Variants in VPS26B observed in about 807,000 individuals in gnomAD.
The protein encoded by VPS26B is vacuolar protein sorting-associated protein 26B.
In VPS26B, 10 loss-of-function variants were observed where a neutral mutation model predicts 33.3. The observed-to-expected ratio is 0.30, with a 90% CI of 0.19 to 0.51. The LOEUF (loss-of-function observed/expected upper bound fraction) is 0.51, where lower values mean the gene tolerates loss of function less well. Ranked by LOEUF, VPS26B falls within the 20% of genes least tolerant of loss-of-function variation. VPS26B has a pLI of 0.98. For missense variants in VPS26B, 317 were observed against 452.7 expected, an observed-to-expected ratio of 0.70 and a Z score of 2.72; for synonymous variants, 190 against 176.9, an observed-to-expected ratio of 1.07 and a Z score of -0.59.
chr11:134,242,350 A>G (rs1938740345), intron 3 of VPS26B, among the ~76,000 whole-genome samples: 1 of 152,212 alleles, frequency 6.6e-6, no homozygotes, highest in Admixed American at 6.5e-5. Flanking sequence ...ATCCAAGAGA[A>G]CATTATCTCT....
chr11:134,245,661 G>A lies in VPS26B; in HGVS notation c.*71G>A, dbSNP rs1474263955. 6 of 1,507,164 alleles carry A rather than the reference G, an allele frequency of 4.0e-6. No homozygotes were observed. Among genetic ancestry groups the A allele is most frequent in the East Asian group, 2.5e-5 (1 of 40,752 alleles). The allele number at this position is 1,507,164 out of a possible 1,614,324, so 93.4% of individuals were successfully genotyped here. A position where few individuals can be genotyped will look rare whatever the true frequency, so the allele number is the denominator to read the frequency against. On this transcript the variant is annotated 3_prime_UTR_variant, in exon 6 of 6. Transcript: ENST00000281187. The surrounding 1 kb of genome is among the most constrained non-coding windows in gnomAD (Gnocchi z 4.7). Reference sequence around the variant, plus strand: ...TCTACCAACACCAGCGGCTGGGGGCGGGGGCGGACCTTGTGAGGCTCAGTT... The same window carrying A: ...TCTACCAACACCAGCGGCTGGGGGCAGGGGCGGACCTTGTGAGGCTCAGTT...
chr11:134,245,355 A>G lies in VPS26B; in HGVS notation c.865-89A>G. On this transcript the variant is annotated intron_variant, in intron 5 of 5. Coordinates refer to ENST00000281187, the MANE Select transcript of VPS26B (RefSeq NM_052875.5). This position sits in a 1 kb window ranked among gnomAD's most constrained non-coding sequence, Gnocchi z 4.7. ...GAAGCAGAGGAGGTCCTTGCCCGAGATTCCCCACGTCAAAGTTGGGAGCCT... is the reference window on the plus strand; with the variant it reads ...GAAGCAGAGGAGGTCCTTGCCCGAGGTTCCCCACGTCAAAGTTGGGAGCCT... The G allele has an allele frequency of 6.4e-7, 1 of 1,568,662 alleles. No individual in the cohort carries two copies. Among genetic ancestry groups the G allele is most frequent in the South Asian group, 1.2e-5 (1 of 86,750 alleles).
chr11:134,235,444 T>C (rs571660133), intron 2 of VPS26B: 1 of 156,262 alleles, frequency 6.4e-6, no homozygotes, highest in Admixed American at 6.5e-5. Flanking sequence ...CATGATTCAT[T>C]TAATTGTGAG....
At chr11:134,232,483 T>C (rs952322622) in intron 1 of VPS26B, among the ~76,000 whole-genome samples, 4 of 152,224 alleles carry the variant, frequency 2.6e-5, no homozygotes, top group Non-Finnish European at 5.9e-5. Context: ...ATGTCAGAGC[T>C]GATATTAACA....
At chr11:134,241,081 CAG>C (rs1305065903) in intron 3 of VPS26B, among the ~76,000 whole-genome samples, 3 of 152,270 alleles carry the variant, frequency 2.0e-5, no homozygotes, top group East Asian at 3.9e-4. Context: ...AACTTTCTGA[CAG>C]GGTATTTCAA....
intron 2 of VPS26B, among the ~76,000 whole-genome samples, chr11:134,237,277 G>T (rs187831180): frequency 1.3e-4 from 20 of 152,300 alleles, no homozygotes; most frequent in African/African-American, 4.8e-4. Flanking sequence ...GAGGTCCTCC[G>T]AGTATGATTT....
chr11:134,225,501 C>G (rs556460993), intron 1 of VPS26B, 156 bp downstream of exon 1: 1 of 751,328 alleles, frequency 1.3e-6, no homozygotes, highest in African/African-American at 1.7e-5. Flanking sequence ...CCGTGGGCGA[C>G]TCCCCCTGCG....
Position 134,245,203 on chromosome 11 carries a change from C to T in VPS26B, c.864+123C>T, listed in dbSNP as rs1591488224. ...GAACATTAGGTCGCCCACAATTGCACAACAAGAATGAGGATTCTCACCTGG... is the reference window on the plus strand; with the variant it reads ...GAACATTAGGTCGCCCACAATTGCATAACAAGAATGAGGATTCTCACCTGG... On this transcript the variant is annotated intron_variant, in intron 5 of 5. Transcript: ENST00000281187. The surrounding 1 kb of genome is among the most constrained non-coding windows in gnomAD (Gnocchi z 4.7). The T allele has an allele frequency of 7.1e-7, 1 of 1,404,836 alleles. No individual in the cohort carries two copies. Among genetic ancestry groups the T allele is most frequent in the Non-Finnish European group, 9.5e-7 (1 of 1,053,294 alleles). 87.0% of individuals were successfully genotyped at this position (1,404,836 alleles called of 1,614,324 possible). A position where few individuals can be genotyped will look rare whatever the true frequency, so the allele number is the denominator to read the frequency against.
chr11:134,244,950 C>T lies in VPS26B; in HGVS notation c.734C>T (p.Pro245Leu), dbSNP rs1392483854. 1.9e-6 allele frequency: 3 copies of T among 1,613,464 alleles called. No homozygotes were observed. The highest frequency in any genetic ancestry group is 2.5e-6 in the Non-Finnish European group (3 of 1,179,998). The change falls in exon 5 of 6, where the codon CCG becomes CTG. Residue 245 changes from proline to leucine, a missense_variant. Physicochemically the swap from Pro to Leu is moderately conservative, Grantham distance 98. Coordinates refer to ENST00000281187, the MANE Select transcript of VPS26B (RefSeq NM_052875.5). The surrounding 1 kb of genome is among the most constrained non-coding windows in gnomAD (Gnocchi z 4.0). ...CCTCCCCCTACAGGAGAGTCCATCCCGATCCGGCTCTTCCTGGCCGGGTAT... is the reference window on the plus strand; with the variant it reads ...CCTCCCCCTACAGGAGAGTCCATCCTGATCCGGCTCTTCCTGGCCGGGTAT... ...DGAPVRGESI[P>L]IRLFLAGYEL...
Position 134,245,750 on chromosome 11 carries a change from C to T in VPS26B, c.*160C>T, listed in dbSNP as rs1938804887. 3 of 1,041,036 alleles carry T rather than the reference C, an allele frequency of 2.9e-6. No homozygotes were observed. The East Asian group carries it at 7.9e-5, about 27-fold the overall frequency. 64.5% of individuals were successfully genotyped at this position (1,041,036 alleles called of 1,614,324 possible). Reference sequence around the variant, plus strand: ...GACTTAAATTCTTTTCTCTGGAGAACCCAAGGGGCTTGGGGTGGGAAGCAG... The same window carrying T: ...GACTTAAATTCTTTTCTCTGGAGAATCCAAGGGGCTTGGGGTGGGAAGCAG... On this transcript the variant is annotated 3_prime_UTR_variant, in exon 6 of 6. Transcript: ENST00000281187. This position sits in a 1 kb window ranked among gnomAD's most constrained non-coding sequence, Gnocchi z 4.7.
At chr11:134,238,697 G>C (rs951915600) in intron 2 of VPS26B, among the ~76,000 whole-genome samples, 2 of 152,136 alleles carry the variant, frequency 1.3e-5, no homozygotes, top group Non-Finnish European at 2.9e-5. Context: ...CTGGGTTCAC[G>C]CCATTCTCCT....
intron 1 of VPS26B, among the ~76,000 whole-genome samples, chr11:134,225,767 G>A (rs548773387): frequency 8.5e-5 from 13 of 152,278 alleles, no homozygotes; most frequent in African/African-American, 1.4e-4. Context: ...CCGGCCATCT[G>A]CAACTGCCAG....
At position 134,225,364 on chromosome 11, in the gene VPS26B, C is replaced by A; in HGVS notation, c.223+19C>A. ...CAGATCGGTGAGTCGACCCCCGGGA[C>A]CCCCTCCCCCAGCGCCGACAGCCGG... On this transcript the variant is annotated intron_variant, in intron 1 of 5. Coordinates refer to ENST00000281187, the MANE Select transcript of VPS26B (RefSeq NM_052875.5). 6.2e-7 allele frequency: 1 copy of A among 1,611,836 alleles called. No homozygotes were observed.
chr11:134,225,218 G>T lies in VPS26B; in HGVS notation c.96G>T (p.Gly32=), dbSNP rs1299668404. The T allele has an allele frequency of 1.9e-6, 3 of 1,613,940 alleles. No homozygotes were observed. The highest frequency in any genetic ancestry group is 2.5e-6 in the Non-Finnish European group (3 of 1,179,982). ...GGGCCGAGCACAAGACGGAGGACGG[G>T]AAGAAGGAGAAATATTTCCTCTTCT... ...RKRAEHKTED[G]KKEKYFLFYD... is the part of the protein sequence containing the mutation. Residue 32 remains glycine, a synonymous_variant, in exon 1 of 6, where the codon GGG becomes GGT. Coordinates refer to ENST00000281187, the MANE Select transcript of VPS26B (RefSeq NM_052875.5).
rs1938783696 is a variant in VPS26B at position 134,244,700 on chromosome 11, C to T, written c.722-238C>T. 2 of 515,414 alleles carry T rather than the reference C, an allele frequency of 3.9e-6. No homozygotes were observed. The highest frequency in any genetic ancestry group is 2.8e-5 in the South Asian group (1 of 35,600). The allele number at this position is 515,414 out of a possible 1,614,324, so 31.9% of individuals were successfully genotyped here. A position where few individuals can be genotyped will look rare whatever the true frequency, so the allele number is the denominator to read the frequency against. ...AATAATGACCTGTGCTGTTCCCACT[C>T]AGTTGCTCTCTGTTTTCGAGAAGAC... On this transcript the variant is annotated intron_variant, in intron 4 of 5. Transcript: ENST00000281187. This position sits in a 1 kb window ranked among gnomAD's most constrained non-coding sequence, Gnocchi z 4.0.
Position 134,225,281 on chromosome 11 carries a change from C to T in VPS26B, c.159C>T (p.Ala53=), listed in dbSNP as rs751558345. Residue 53 remains alanine (A), a synonymous_variant, in exon 1 of 6, where the codon GCC becomes GCT. Transcript: ENST00000281187. ...GETVSGKVSL[A]LKNPNKRLEH... Reference sequence around the variant, plus strand: ...CGGTCTCCGGGAAGGTGAGCCTTGCCCTCAAGAACCCCAACAAGCGGCTGG... The same window carrying T: ...CGGTCTCCGGGAAGGTGAGCCTTGCTCTCAAGAACCCCAACAAGCGGCTGG... The T allele has an allele frequency of 6.2e-7, 1 of 1,614,154 alleles. No homozygotes were observed.
chr11:134,238,282 G>A (rs1938663396), intron 2 of VPS26B, among the ~76,000 whole-genome samples: 1 of 152,190 alleles, frequency 6.6e-6, no homozygotes, highest in East Asian at 1.9e-4. Flanking sequence ...GACAGGATGG[G>A]TGAAAATGCA....
In VPS26B at chr11:134,245,008, G is replaced by A; in HGVS notation, c.792G>A (p.Lys264=). 1 of 1,614,180 alleles carries A rather than the reference G, an allele frequency of 6.2e-7. No individual in the cohort carries two copies. The highest frequency in any genetic ancestry group is 8.5e-7 in the Non-Finnish European group (1 of 1,180,046). The change falls in exon 5 of 6, where the codon AAG becomes AAA. Residue 264 remains lysine (K), a synonymous_variant. Coordinates refer to ENST00000281187, the MANE Select transcript of VPS26B (RefSeq NM_052875.5). This position sits in a 1 kb window ranked among gnomAD's most constrained non-coding sequence, Gnocchi z 4.7. ...CGCCCACCATGCGGGACATCAACAAGAAGTTCTCTGTGCGCTATTACCTCA... is the reference window on the plus strand; with the variant it reads ...CGCCCACCATGCGGGACATCAACAAAAAGTTCTCTGTGCGCTATTACCTCA... ...ELTPTMRDIN[K]KFSVRYYLNL...
At chr11:134,239,710 C>T (rs1019549971) in intron 2 of VPS26B, 7 of 441,208 alleles carry the variant, frequency 1.6e-5, no homozygotes, top group Admixed American at 7.0e-5. Flanking sequence ...AAATCACTTT[C>T]CCTTACAGCA....
Sources: gnomAD v4.1 joint callset for allele counts (sites outside exome capture counted in the v4.1 genomes callset) on GRCh38, gnomAD v4.1.1 for gene constraint, Gnocchi (gnomAD v3.1) non-coding constraint, MANE v1.5 for transcripts, NCBI Gene and HGNC (gene_info 2026-07-23, HGNC 2026-07-21) for gene names.